Variants in TAF4B observed in about 807,000 individuals in gnomAD.
The protein encoded by TAF4B is transcription initiation factor TFIID subunit 4B.
A neutral mutation model predicts 86.4 loss-of-function variants in TAF4B; 38 were observed. The ratio of observed to expected loss-of-function variants is 0.44; its 90% CI spans 0.34 to 0.58. The LOEUF is 0.58. Ranked by LOEUF, TAF4B falls within the 20% of genes least tolerant of loss-of-function variation. The pLI is 0.02. For missense variants in TAF4B, 988 were observed against 1,027.6 expected, an observed-to-expected ratio of 0.96 and a Z score of 0.53; for synonymous variants, 388 against 391.2, an observed-to-expected ratio of 0.99 and a Z score of 0.10.
At chr18:26,267,647 C>T (rs780745358) in intron 3 of TAF4B, 24 bp downstream of exon 3, 18 of 1,509,920 alleles carry the variant, frequency 1.2e-5, no homozygotes, top group East Asian at 6.8e-5. Context: ...GCCATTCGTG[C>T]ACTTGTTGTT....
chr18:26,239,700 C>T (rs1371834770), intron 1 of TAF4B, among the ~76,000 whole-genome samples: 3 of 152,174 alleles, frequency 2.0e-5, no homozygotes, highest in African/African-American at 7.2e-5. Flanking sequence ...AGGTTTTCTT[C>T]TAGAGTTTTC....
intron 1 of TAF4B, among the ~76,000 whole-genome samples, chr18:26,259,915 G>T (rs973090816): frequency 3.4e-4 from 52 of 152,286 alleles, no homozygotes; most frequent in South Asian, 8.3e-4. Flanking sequence ...GTAAAAGTGT[G>T]CCTATTTCTC....
intron 9 of TAF4B, among the ~76,000 whole-genome samples, chr18:26,312,380 C>T (rs893543070): frequency 1.3e-5 from 2 of 152,080 alleles, no homozygotes; most frequent in African/African-American, 4.8e-5. Context: ...TTCCTCTTTC[C>T]TCAGTAGGGG....
chr18:26,340,258 G>A (rs2057125800), intron 13 of TAF4B, among the ~76,000 whole-genome samples: 2 of 152,084 alleles, frequency 1.3e-5, no homozygotes, highest in Admixed American at 6.5e-5. Flanking sequence ...TACGAGAACA[G>A]CACAGTATAT....
intron 10 of TAF4B, among the ~76,000 whole-genome samples, chr18:26,319,562 A>G (rs868156793): frequency 3.4e-5 from 5 of 147,766 alleles, no homozygotes; most frequent in Admixed American, 1.4e-4. Flanking sequence ...AGGCCCCACT[A>G]TTTGTTTATG....
intron 13 of TAF4B, among the ~76,000 whole-genome samples, chr18:26,355,223 A>C (rs1485522636): frequency 6.6e-6 from 1 of 152,210 alleles, no homozygotes; most frequent in Non-Finnish European, 1.5e-5. Context: ...GCATGTGTCA[A>C]CCTTGCATCT....
intron 1 of TAF4B, among the ~76,000 whole-genome samples, chr18:26,241,415 G>A (rs2055836713): frequency 6.6e-6 from 1 of 152,124 alleles, no homozygotes; most frequent in Non-Finnish European, 1.5e-5. Flanking sequence ...GTATTTCTGT[G>A]GGGTTGATGG....
At chr18:26,329,827 C>T (rs564177133) in intron 12 of TAF4B, among the ~76,000 whole-genome samples, 3 of 152,188 alleles carry the variant, frequency 2.0e-5, no homozygotes, top group Admixed American at 2.0e-4. Context: ...TTTTTTGAGA[C>T]AGGGTCTCAC....
At position 26,231,034 on chromosome 18, in the gene TAF4B, C is replaced by CTTTTTTTTTTTTT. The variant is rs536863843; in HGVS notation, c.343+3771_343+3783dup. On this transcript the variant is annotated intron_variant, in intron 1 of 14. Coordinates refer to ENST00000269142, the MANE Select transcript of TAF4B (RefSeq NM_005640.3). ...GACAAACTTGTGGTGTGTTGTTTTGCTTTTTTTTTTTTTTTTTTTTTTTTT... is the reference window on the plus strand; with the variant it reads ...GACAAACTTGTGGTGTGTTGTTTTGCTTTTTTTTTTTTTTTTTTTTTTTTTTTTTTTTTTTTTT... Among the ~76,000 whole-genome samples the CTTTTTTTTTTTTT allele has an allele frequency of 5.7e-4, 38 of 66,164 alleles. 2 individuals are homozygous for CTTTTTTTTTTTTT. Among genetic ancestry groups the CTTTTTTTTTTTTT allele is most frequent in the Non-Finnish European group, 9.3e-4 (33 of 35,560 alleles). 43.4% of individuals were successfully genotyped at this position (66,164 alleles called of 152,430 possible).
At chr18:26,332,927 T>C (rs2057062771) in intron 12 of TAF4B, among the ~76,000 whole-genome samples, 1 of 152,074 alleles carries the variant, frequency 6.6e-6, no homozygotes, top group Admixed American at 6.5e-5. Flanking sequence ...TTCACCTTTT[T>C]TCTATGCTTC....
chr18:26,340,283 T>C (rs1170032030), intron 13 of TAF4B, among the ~76,000 whole-genome samples: 3 of 152,152 alleles, frequency 2.0e-5, no homozygotes, highest in African/African-American at 7.2e-5. Flanking sequence ...AAAATGAAAT[T>C]TGAAAATATA....
chr18:26,250,152 G>T (rs2055983889), intron 1 of TAF4B, among the ~76,000 whole-genome samples: 1 of 152,074 alleles, frequency 6.6e-6, no homozygotes, highest in Admixed American at 6.5e-5. Flanking sequence ...CCTTGCCTCA[G>T]CCTCCCAAGT....
chr18:26,247,085 G>A (rs1003178533), intron 1 of TAF4B, among the ~76,000 whole-genome samples: 4 of 150,322 alleles, frequency 2.7e-5, no homozygotes, highest in Admixed American at 6.6e-5. Flanking sequence ...GGCTGGTCTC[G>A]AACTCCCGAT....
rs1159806367 is a variant in TAF4B at position 26,346,781 on chromosome 18, GTATATA to G, written c.2317-10897_2317-10892del. 1.2e-3 allele frequency among the ~76,000 whole-genome samples: 24 copies of G among 19,344 alleles called. 2 individuals are homozygous for G. The East Asian group carries it at 0.033, about 27-fold the overall frequency. 12.7% of individuals were successfully genotyped at this position (19,344 alleles called of 152,430 possible). A position where few individuals can be genotyped will look rare whatever the true frequency, so the allele number is the denominator to read the frequency against. On this transcript the variant is annotated intron_variant, in intron 13 of 14. Transcript: ENST00000269142. ...TGTGTATATATATATATATGTGTGT[GTATATA>G]TATATATATATGTGTATATATATAT...
At chr18:26,321,652 A>G (rs949562629) in intron 11 of TAF4B, among the ~76,000 whole-genome samples, 1 of 151,984 alleles carries the variant, frequency 6.6e-6, no homozygotes, top group Admixed American at 6.6e-5. Context: ...AAAGATACAC[A>G]TGTATAGTAA....
chr18:26,306,251 G>A (rs772609116), intron 9 of TAF4B, among the ~76,000 whole-genome samples: 4 of 152,172 alleles, frequency 2.6e-5, no homozygotes, highest in Non-Finnish European at 5.9e-5. Flanking sequence ...AAAACCCACT[G>A]TATAGTTTTT....
intron 14 of TAF4B, among the ~76,000 whole-genome samples, chr18:26,384,385 C>A (rs562629305): frequency 1.3e-5 from 2 of 152,298 alleles, no homozygotes; most frequent in African/African-American, 4.8e-5. Context: ...TTAGTTGATT[C>A]TGTACAGCAG....
intron 5 of TAF4B, among the ~76,000 whole-genome samples, chr18:26,279,545 C>CAAAAAAAAAAAAAAAAAAAAAAAAAAA (rs375937630): frequency 8.8e-6 from 1 of 113,536 alleles, no homozygotes; most frequent in Non-Finnish European, 2.0e-5. Context: ...CAATTAGAAG[C>CAAAAAAAAAAAAAAAAAAAAAAAAAAA]AAAAAAAAAA....
At chr18:26,354,703 T>C (rs1598823455) in intron 13 of TAF4B, among the ~76,000 whole-genome samples, 1 of 152,344 alleles carries the variant, frequency 6.6e-6, no homozygotes, top group Middle Eastern at 3.4e-3. Flanking sequence ...CAAAAATCAA[T>C]TGGCCGTATT....
Sources: allele counts gnomAD v4.1 joint callset (sites outside exome capture counted in the v4.1 genomes callset), GRCh38; gene constraint gnomAD v4.1.1; transcripts MANE v1.5; gene names NCBI Gene and HGNC (gene_info 2026-07-23, HGNC 2026-07-21).